Variants in SYNPO2 observed in about 807,000 individuals in gnomAD.
SYNPO2 encodes synaptopodin 2, also known as synaptopodin-2.
SYNPO2 carries 56 observed loss-of-function variants against 85.0 expected under a neutral mutation model. That is an observed-to-expected ratio of 0.66 (90% CI 0.53 to 0.82). SYNPO2 has a LOEUF of 0.82. Among genes scored for constraint, SYNPO2 ranks in the 40% least tolerant of loss-of-function variants. SYNPO2 has a pLI of 0.00. For missense variants in SYNPO2, 1,575 were observed against 1,534.2 expected (o/e 1.03, Z -0.44); for synonymous variants, 602 against 591.1 (o/e 1.02, Z -0.27).
intron 1 of SYNPO2, among the ~76,000 whole-genome samples, chr4:118,882,836 C>G (rs1197266426): frequency 6.6e-6 from 1 of 151,374 alleles, no homozygotes; most frequent in African/African-American, 2.4e-5. Context: ...ATGGTGCGAT[C>G]TCGGCTCACT....
chr4:119,032,300 C>T (rs574340365), intron 4 of SYNPO2: 32 of 1,356,874 alleles, frequency 2.4e-5, no homozygotes, highest in Non-Finnish European at 2.9e-5. Flanking sequence ...TAGACATGTA[C>T]CGTTATATTA....
chr4:118,944,653 T>C (rs1387253108), intron 1 of SYNPO2, among the ~76,000 whole-genome samples: 1 of 152,156 alleles, frequency 6.6e-6, no homozygotes, highest in Non-Finnish European at 1.5e-5. Context: ...AATAATAATA[T>C]AACTTTTAAA....
intron 4 of SYNPO2, chr4:119,034,392 AGT>A (rs1276973727): frequency 9.2e-6 from 9 of 979,760 alleles, no homozygotes; most frequent in African/African-American, 1.8e-5. Flanking sequence ...AGGAATGAGA[AGT>A]GTTTTCTTTC....
chr4:118,878,148 T>C (rs1477108074), intron 1 of SYNPO2, among the ~76,000 whole-genome samples: 1 of 152,116 alleles, frequency 6.6e-6, no homozygotes, highest in Non-Finnish European at 1.5e-5. Context: ...AAGTGGGAGC[T>C]AAACTTTGAG....
intron 1 of SYNPO2, among the ~76,000 whole-genome samples, chr4:118,996,338 T>A (rs1295411814): frequency 6.6e-6 from 1 of 152,186 alleles, no homozygotes; most frequent in Non-Finnish European, 1.5e-5. Context: ...GCCACCCCCT[T>A]CGTCCACCAC....
chr4:118,976,143 T>G (rs992407710), intron 1 of SYNPO2, among the ~76,000 whole-genome samples: 1 of 152,126 alleles, frequency 6.6e-6, no homozygotes, highest in Non-Finnish European at 1.5e-5. Flanking sequence ...TCGCGGTGAG[T>G]GTTACAGCTC....
chr4:118,999,148 T>C (rs1397830914), intron 1 of SYNPO2, among the ~76,000 whole-genome samples: 2 of 152,176 alleles, frequency 1.3e-5, no homozygotes, highest in African/African-American at 4.8e-5. Context: ...CCATGATGGA[T>C]AAGTTTTTTT....
At chr4:118,975,105 C>A (rs978529493) in intron 1 of SYNPO2, among the ~76,000 whole-genome samples, 4 of 152,164 alleles carry the variant, frequency 2.6e-5, no homozygotes, top group Non-Finnish European at 5.9e-5. Context: ...CACCTTGCAC[C>A]CACGTGAGGC....
intron 1 of SYNPO2, among the ~76,000 whole-genome samples, chr4:119,007,245 TGTATATAC>T (rs1482034057): frequency 0.059 from 2,101 of 35,450 alleles, 158 homozygotes; most frequent in East Asian, 0.081. Flanking sequence ...TATATATATA[TGTATATAC>T]ATATATATAT....
intron 1 of SYNPO2, among the ~76,000 whole-genome samples, chr4:119,009,345 C>T (rs1427663880): frequency 2.0e-5 from 3 of 151,990 alleles, no homozygotes; most frequent in Non-Finnish European, 4.4e-5. Context: ...GCTTTCAAAA[C>T]AATAAGAAGC....
intron 1 of SYNPO2, among the ~76,000 whole-genome samples, chr4:118,987,209 A>G (rs1736251920): frequency 6.6e-6 from 1 of 152,194 alleles, no homozygotes; most frequent in Non-Finnish European, 1.5e-5. Flanking sequence ...TAGTCTAATA[A>G]CTTTCTTCTA....
Position 119,031,688 on chromosome 4 carries a change from G to A in SYNPO2, c.2913G>A (p.Gln971=). The A allele has an allele frequency of 6.2e-7, 1 of 1,614,204 alleles. No homozygotes were observed. The highest frequency in any genetic ancestry group is 8.5e-7 in the Non-Finnish European group (1 of 1,180,046). ...ATGTCATGAAGCACCAACCGTATCA[G>A]CTCAATGCATCCTTGTTTACTTTCC... ...ALDVMKHQPY[Q]LNASLFTFQP... is the part of the protein sequence containing the mutation. Residue 971 remains glutamine, a synonymous_variant, in exon 4 of 5, where the codon CAG becomes CAA. Coordinates refer to ENST00000307142, the MANE Select transcript of SYNPO2 (RefSeq NM_133477.3).
chr4:119,022,762 A>ATGTTTTATTTTATTTTATTTTATATTT (rs1737786392), intron 1 of SYNPO2, among the ~76,000 whole-genome samples: 1 of 109,784 alleles, frequency 9.1e-6, no homozygotes, highest in Non-Finnish European at 2.0e-5. Flanking sequence ...ATTTTATTTT[A>ATGTTTTATTTTATTTTATTTTATATTT]TATTTTATTT....
rs58567791 is a variant in SYNPO2 at position 119,033,601 on chromosome 4, A to T, written c.3252+1574A>T. 304 of 985,420 alleles carry T rather than the reference A, an allele frequency of 3.1e-4. No individual in the cohort carries two copies. The African/African-American group carries it at 4.9e-3, about 16-fold the overall frequency. 61.0% of individuals were successfully genotyped at this position (985,420 alleles called of 1,614,324 possible). ...ATATGTTTAGAGACCTCTCAGAAAA[A>T]CTTGCCTGGTTTGAGGGTACACAGT... On this transcript the variant is annotated intron_variant, in intron 4 of 4. Coordinates refer to ENST00000307142, the MANE Select transcript of SYNPO2 (RefSeq NM_133477.3).
chr4:119,050,287 G>A (rs188808468), intron 4 of SYNPO2, among the ~76,000 whole-genome samples: 6 of 151,516 alleles, frequency 4.0e-5, no homozygotes, highest in Admixed American at 2.0e-4. Context: ...AGCCAGGATC[G>A]CCCCACTGTA....
chr4:118,938,120 G>A (rs1048146957), intron 1 of SYNPO2, among the ~76,000 whole-genome samples: 4 of 152,058 alleles, frequency 2.6e-5, no homozygotes, highest in East Asian at 1.9e-4. Context: ...TGGCCAACAC[G>A]GCGAAACCTC....
At chr4:119,017,254 G>T (rs185239048) in intron 1 of SYNPO2, among the ~76,000 whole-genome samples, 1 of 152,138 alleles carries the variant, frequency 6.6e-6, no homozygotes, top group Non-Finnish European at 1.5e-5. Context: ...ACTGAGGTTG[G>T]TGTTTAGGAT....
upstream of SYNPO2, among the ~76,000 whole-genome samples, chr4:118,885,469 C>CT (rs200816127): frequency 7.3e-3 from 1,022 of 140,890 alleles, 9 homozygotes; most frequent in African/African-American, 0.011. Flanking sequence ...ATCCATAGGT[C>CT]TTTTTTTTTT....
chr4:119,033,821 C>G (rs1225357179), intron 4 of SYNPO2: 1 of 983,432 alleles, frequency 1.0e-6, no homozygotes, highest in African/African-American at 1.7e-5. Context: ...TATATGGCTC[C>G]CACAACAATT....
Sources: gnomAD v4.1 joint callset for allele counts (sites outside exome capture counted in the v4.1 genomes callset) on GRCh38, gnomAD v4.1.1 for gene constraint, MANE v1.5 for transcripts, NCBI Gene and HGNC (gene_info 2026-07-23, HGNC 2026-07-21) for gene names.